CDON: variants seen among roughly 807,000 people sequenced by gnomAD.
The protein encoded by CDON is cell adhesion associated, oncogene regulated.
CDON carries 73 observed loss-of-function variants against 120.9 expected under a neutral mutation model. That is an observed-to-expected ratio of 0.60 (90% CI 0.50 to 0.73). The LOEUF is 0.73. Among genes scored for constraint, CDON ranks in the 30% least tolerant of loss-of-function variants. The pLI is 0.00. For synonymous variants in CDON, 566 were observed against 573.5 expected (o/e 0.99, Z 0.19); for missense variants, 1,470 against 1,587.3 (o/e 0.93, Z 1.26).
chr11:125,972,281 A>G (rs1946023548), intron 18 of CDON, among the ~76,000 whole-genome samples: 1 of 152,124 alleles, frequency 6.6e-6, no homozygotes, highest in African/African-American at 2.4e-5. Flanking sequence ...CAAAAAAATT[A>G]GCCAGCCATG....
chr11:125,958,559 A>ATGTGTG lies in CDON; in HGVS notation c.*2382_*2383insCACACA, dbSNP rs1243480667. On this transcript the variant is annotated 3_prime_UTR_variant, in exon 20 of 20. Coordinates refer to ENST00000531738, the MANE Select transcript of CDON (RefSeq NM_001378964.1). The stretch of plus-strand genomic sequence containing the variant: ...AATATAAAGGCAATTATATATATAT[A>ATGTGTG]TATATATGTGTGTGTGTGTGTGTGT... 3.9e-5 allele frequency: 3 copies of ATGTGTG among 76,048 alleles called. No individual in the cohort carries two copies. Among genetic ancestry groups the ATGTGTG allele is most frequent in the African/African-American group, 1.7e-4 (3 of 17,932 alleles). The allele number at this position is 76,048 out of a possible 1,614,324, so 4.7% of individuals were successfully genotyped here.
chr11:125,985,820 G>T (rs1268741203), intron 15 of CDON, among the ~76,000 whole-genome samples: 1 of 151,640 alleles, frequency 6.6e-6, no homozygotes, highest in East Asian at 1.9e-4. Flanking sequence ...CAAACAACAG[G>T]TGCTGGAGAG....
At chr11:126,013,811 ATC>A (rs1310429691) in intron 7 of CDON, among the ~76,000 whole-genome samples, 1 of 150,434 alleles carries the variant, frequency 6.6e-6, no homozygotes, top group Non-Finnish European at 1.5e-5. Context: ...TATTTTTATG[ATC>A]TTTTTTTCTT....
chr11:126,004,337 C>T, intron 9 of CDON: 1 of 487,372 alleles, frequency 2.1e-6, no homozygotes, highest in Non-Finnish European at 3.7e-6. Context: ...CAAGTTACTG[C>T]CCTCCCAGAC....
intron 18 of CDON, 23 bp downstream of exon 18, chr11:125,978,281 G>C (rs1312918228): frequency 1.5e-6 from 2 of 1,377,822 alleles, no homozygotes; most frequent in Admixed American, 1.7e-5. Flanking sequence ...ACAACAGCTT[G>C]TGCAGACACA....
chr11:125,987,432 ACAGT>A (rs1946500087), intron 15 of CDON, among the ~76,000 whole-genome samples: 1 of 152,224 alleles, frequency 6.6e-6, no homozygotes, highest in Admixed American at 6.5e-5. Flanking sequence ...ACAAGAACCT[ACAGT>A]CATTTTTTAA....
At chr11:125,974,580 T>G (rs1054338761) in intron 18 of CDON, among the ~76,000 whole-genome samples, 7 of 129,578 alleles carry the variant, frequency 5.4e-5, no homozygotes, top group African/African-American at 2.0e-4. Context: ...AAATACATAA[T>G]AAAAGCAAAT....
intron 15 of CDON, among the ~76,000 whole-genome samples, chr11:125,985,638 C>G (rs1197518845): frequency 6.6e-6 from 1 of 152,172 alleles, no homozygotes; most frequent in Non-Finnish European, 1.5e-5. Context: ...TACCGAATCT[C>G]CTGTTATGGT....
intron 18 of CDON, among the ~76,000 whole-genome samples, chr11:125,970,902 C>T (rs933173928): frequency 1.3e-5 from 2 of 152,130 alleles, no homozygotes; most frequent in South Asian, 4.2e-4. Flanking sequence ...AAGGAAAGCA[C>T]TGATCAATTT....
At chr11:126,055,917 G>A (rs1948671220) in intron 1 of CDON, among the ~76,000 whole-genome samples, 3 of 152,150 alleles carry the variant, frequency 2.0e-5, no homozygotes, top group Non-Finnish European at 4.4e-5. Context: ...GCAAGTCGAG[G>A]CAATCTCCAA....
chr11:125,982,766 G>A (rs973283769), intron 16 of CDON, among the ~76,000 whole-genome samples: 1 of 152,166 alleles, frequency 6.6e-6, no homozygotes, highest in South Asian at 2.1e-4. Flanking sequence ...CCAGATTAAT[G>A]TTCTCTTTTA....
At chr11:125,970,172 G>GTTTTTTTTTTT (rs36021097) in intron 18 of CDON, among the ~76,000 whole-genome samples, 1 of 103,178 alleles carries the variant, frequency 9.7e-6, no homozygotes, top group Non-Finnish European at 2.0e-5. Flanking sequence ...GGTAGTTTAT[G>GTTTTTTTTTTT]TTTTTTTTTT....
rs886906481 is a variant in CDON, at chr11:126,040,684, C to A, written c.-61-17147G>T. ...CAAAAAATTATCCGGGCCTGGTGGC[C>A]GGCGCCTGTAGTCCCAGCTACTTGG... On this transcript the variant is annotated intron_variant, in intron 1 of 19. Transcript: ENST00000531738. 2.0e-5 allele frequency among the ~76,000 whole-genome samples: 3 copies of A among 151,058 alleles called. No homozygotes were observed. The East Asian group carries it at 5.9e-4, about 30-fold the overall frequency.
At chr11:126,009,786 G>A (rs567405506) in intron 8 of CDON, among the ~76,000 whole-genome samples, 1 of 152,114 alleles carries the variant, frequency 6.6e-6, no homozygotes, top group Non-Finnish European at 1.5e-5. Flanking sequence ...CCATTTCCAT[G>A]AATATTAATA....
At chr11:126,022,208 C>A (rs1039852095) in intron 2 of CDON, among the ~76,000 whole-genome samples, 2 of 150,814 alleles carry the variant, frequency 1.3e-5, no homozygotes, top group Non-Finnish European at 3.0e-5. Flanking sequence ...GTGAAGATGA[C>A]TTTCCAAATA....
chr11:125,964,885 C>T (rs928818834), intron 18 of CDON, among the ~76,000 whole-genome samples: 7 of 152,140 alleles, frequency 4.6e-5, no homozygotes, highest in African/African-American at 1.2e-4. Context: ...TATCTTTCGT[C>T]GGGGCAACCT....
intron 5 of CDON, 102 bp downstream of exon 5, chr11:126,018,228 A>T: frequency 7.9e-7 from 1 of 1,267,448 alleles, no homozygotes; most frequent in Non-Finnish European, 1.1e-6. Flanking sequence ...AAGACTTTTT[A>T]TGATAAACAA....
chr11:126,019,822 C>A (rs1641141607), intron 3 of CDON, 57 bp from the exon 4 acceptor site: 1 of 1,506,136 alleles, frequency 6.6e-7, no homozygotes, highest in Non-Finnish European at 9.1e-7. Flanking sequence ...TTCTTTTTCC[C>A]AAAGGAAATT....
At chr11:126,038,122 A>G (rs554381161) in intron 1 of CDON, among the ~76,000 whole-genome samples, 1 of 152,330 alleles carries the variant, frequency 6.6e-6, no homozygotes, top group East Asian at 1.9e-4. Flanking sequence ...AAAAGAAAAA[A>G]AACAGTAGGA....
Sources: gnomAD v4.1 joint callset for allele counts (sites outside exome capture counted in the v4.1 genomes callset) on GRCh38, gnomAD v4.1.1 for gene constraint, MANE v1.5 for transcripts, NCBI Gene and HGNC (gene_info 2026-07-23, HGNC 2026-07-21) for gene names.